The following MED27 variants were observed in gnomAD, a reference collection of about 807,000 sequenced individuals.
MED27 encodes the protein mediator of RNA polymerase II transcription subunit 27.
Under a neutral mutation model 38.2 loss-of-function variants are expected in MED27, and 30 were observed. The observed-to-expected ratio is 0.79, with a 90% CI of 0.59 to 1.07. The LOEUF (loss-of-function observed/expected upper bound fraction) is 1.07, where lower values mean the gene tolerates loss of function less well. Among genes scored for constraint, MED27 ranks in the 50% least tolerant of loss-of-function variants. The probability of loss-of-function intolerance (pLI) is 0.00; values close to 1 mark genes in which losing one functional copy is unlikely to be tolerated. For synonymous variants in MED27, 122 were observed against 153.5 expected (o/e 0.79, Z 1.52); for missense variants, 289 against 397.5 (o/e 0.73, Z 2.32).
intron 2 of MED27, among the ~76,000 whole-genome samples, chr9:132,065,679 TC>T (rs1833794856): frequency 6.6e-6 from 1 of 152,222 alleles, no homozygotes; most frequent in African/African-American, 2.4e-5. Flanking sequence ...TCAAGGCAAT[TC>T]CTCTAAGCTA....
intron 3 of MED27, among the ~76,000 whole-genome samples, chr9:131,953,890 T>G (rs1215443477): frequency 6.6e-6 from 1 of 151,156 alleles, no homozygotes; most frequent in Non-Finnish European, 1.5e-5. Flanking sequence ...TGATCTTGGC[T>G]CACTGCAACC....
rs1419018561 is a variant in MED27, at chr9:131,997,995, C to T, written c.479+16342G>A. On this transcript the variant is annotated intron_variant, in intron 3 of 7. Coordinates refer to ENST00000292035, the MANE Select transcript of MED27 (RefSeq NM_004269.4). The surrounding 1 kb of genome is among the most constrained non-coding windows in gnomAD (Gnocchi z 4.0). The stretch of plus-strand genomic sequence containing the variant: ...GAACAGAAATATCTGTTCCCACTGG[C>T]TGATAAAGTCTTGCTGCTCTGCCAA... Among the ~76,000 whole-genome samples, 1 of 152,148 alleles carries T rather than the reference C, an allele frequency of 6.6e-6. No homozygotes were observed. Among genetic ancestry groups the T allele is most frequent in the Non-Finnish European group, 1.5e-5 (1 of 68,024 alleles).
chr9:131,992,293 A>G (rs1006199122), intron 3 of MED27, among the ~76,000 whole-genome samples: 1 of 152,214 alleles, frequency 6.6e-6, no homozygotes, highest in African/African-American at 2.4e-5. Flanking sequence ...TTCACCATTA[A>G]CAGAATCTTT....
intron 2 of MED27, among the ~76,000 whole-genome samples, chr9:132,023,164 T>C (rs760208363): frequency 1.3e-5 from 2 of 152,188 alleles, no homozygotes; most frequent in African/African-American, 2.4e-5. Flanking sequence ...GAACTAAATA[T>C]TCCCATATAA....
intron 3 of MED27, among the ~76,000 whole-genome samples, chr9:131,975,666 G>A (rs1463403364): frequency 6.6e-6 from 1 of 152,196 alleles, no homozygotes; most frequent in Non-Finnish European, 1.5e-5. Flanking sequence ...TAACGGCTTA[G>A]AGAAGCAGAG....
intron 2 of MED27, among the ~76,000 whole-genome samples, chr9:132,026,044 G>A (rs1366324250): frequency 1.3e-5 from 2 of 152,146 alleles, no homozygotes; most frequent in Admixed American, 1.3e-4. Flanking sequence ...TACGAGAAGG[G>A]CTACTCCAAT....
At position 132,003,981 on chromosome 9, in the gene MED27, CAT is replaced by C. The variant is rs1554765344; in HGVS notation, c.479+10354_479+10355del. On this transcript the variant is annotated intron_variant, in intron 3 of 7. Transcript: ENST00000292035. This position sits in a 1 kb window ranked among gnomAD's most constrained non-coding sequence, Gnocchi z 4.2. ...TTCAGAGTGAACATACACACACACA[CAT>C]ACACAGAAATTCTCTCCTCACTCTG... Among the ~76,000 whole-genome samples the C allele has an allele frequency of 6.6e-6, 1 of 152,020 alleles. No individual in the cohort carries two copies. The highest frequency in any genetic ancestry group is 6.6e-5 in the Admixed American group (1 of 15,264).
At chr9:132,015,537 A>C (rs1832582199) in intron 2 of MED27, among the ~76,000 whole-genome samples, 1 of 152,230 alleles carries the variant, frequency 6.6e-6, no homozygotes, top group Non-Finnish European at 1.5e-5. Context: ...AGTTTTGACA[A>C]ATGTATATAC....
intron 2 of MED27, among the ~76,000 whole-genome samples, chr9:132,062,433 G>A (rs1564345494): frequency 6.6e-6 from 1 of 152,208 alleles, no homozygotes; most frequent in Non-Finnish European, 1.5e-5. Context: ...TGCATAAAGT[G>A]AGGTGGGCCC....
rs73551419 is a variant in MED27, at chr9:131,890,421, T to A, written c.681+3464A>T. On this transcript the variant is annotated intron_variant, in intron 5 of 7. Transcript: ENST00000292035. The stretch of plus-strand genomic sequence containing the variant: ...AACCAGGGTCCCAAATGTACAGCCA[T>A]TTTCCTTCGGAGAAAGAGAGAGGCC... Among the ~76,000 whole-genome samples the A allele has an allele frequency of 3.0e-3, 460 of 152,298 alleles. 3 individuals are homozygous for A. Among genetic ancestry groups the A allele is most frequent in the African/African-American group, 0.011 (442 of 41,562 alleles).
At chr9:131,959,348 A>C (rs1831168001) in intron 3 of MED27, among the ~76,000 whole-genome samples, 1 of 152,242 alleles carries the variant, frequency 6.6e-6, no homozygotes, top group African/African-American at 2.4e-5. Context: ...TATATGATGA[A>C]GATAACTCAG....
chr9:132,065,424 C>A (rs140782083), intron 2 of MED27, among the ~76,000 whole-genome samples: 1 of 152,038 alleles, frequency 6.6e-6, no homozygotes, highest in African/African-American at 2.4e-5. Flanking sequence ...TGACCAAGTA[C>A]GATTCCTGTT....
Position 132,065,382 on chromosome 9 carries a change from C to T in MED27, c.348+12060G>A, listed in dbSNP as rs115820994. Among the ~76,000 whole-genome samples the T allele has an allele frequency of 8.7e-3, 1,319 of 152,292 alleles. 12 individuals are homozygous for T. Among genetic ancestry groups the T allele is most frequent in the African/African-American group, 0.03 (1,234 of 41,552 alleles). On this transcript the variant is annotated intron_variant, in intron 2 of 7. Coordinates refer to ENST00000292035, the MANE Select transcript of MED27 (RefSeq NM_004269.4). ...CACGCAAACAGGGAAAGGAGAAGAG[C>T]GGCGGGCATCTCAACTTATGAACCC...
chr9:132,024,938 C>T (rs1006863683), intron 2 of MED27, among the ~76,000 whole-genome samples: 25 of 152,118 alleles, frequency 1.6e-4, no homozygotes, highest in African/African-American at 5.8e-4. Context: ...ACTAGAAGAT[C>T]AAAGTCTCTC....
intron 6 of MED27, among the ~76,000 whole-genome samples, chr9:131,871,358 A>G (rs1385052364): frequency 6.6e-6 from 1 of 152,214 alleles, no homozygotes; most frequent in African/African-American, 2.4e-5. Flanking sequence ...TGTAGCAGTA[A>G]GGGAAGAATA....
chr9:131,966,846 T>C (rs894548319), intron 3 of MED27, among the ~76,000 whole-genome samples: 4 of 152,196 alleles, frequency 2.6e-5, no homozygotes, highest in African/African-American at 9.7e-5. Context: ...TCACAGGAAT[T>C]CTGGAAGACT....
intron 2 of MED27, among the ~76,000 whole-genome samples, chr9:132,016,732 T>C (rs1305781638): frequency 1.3e-5 from 2 of 152,214 alleles, no homozygotes; most frequent in Non-Finnish European, 2.9e-5. Flanking sequence ...CTAGGGTCCA[T>C]GCAAGCTCAG....
intron 2 of MED27, among the ~76,000 whole-genome samples, chr9:132,034,311 T>C (rs886730214): frequency 6.6e-6 from 1 of 152,182 alleles, no homozygotes; most frequent in Non-Finnish European, 1.5e-5. Flanking sequence ...AAAGTGTCCA[T>C]GGACAAATAA....
chr9:132,045,137 T>C (rs552382657), intron 2 of MED27, among the ~76,000 whole-genome samples: 1 of 151,842 alleles, frequency 6.6e-6, no homozygotes, highest in Non-Finnish European at 1.5e-5. Context: ...GGAGATACTT[T>C]AAAAAAACAA....
Sources: allele counts gnomAD v4.1 joint callset (sites outside exome capture counted in the v4.1 genomes callset), GRCh38; gene constraint gnomAD v4.1.1; non-coding constraint Gnocchi (gnomAD v3.1); transcripts MANE v1.5; gene names NCBI Gene and HGNC (gene_info 2026-07-23, HGNC 2026-07-21).